CRISP2: variants seen among roughly 807,000 people sequenced by gnomAD.
CRISP2 encodes cysteine rich secretory protein 2.
CRISP2 carries 29 observed loss-of-function variants against 31.7 expected under a neutral mutation model. That is an observed-to-expected ratio of 0.92 (90% CI 0.68 to 1.25). CRISP2 has a LOEUF of 1.25. Among genes scored for constraint, CRISP2 ranks in the 50% most tolerant of loss-of-function variants. The probability of loss-of-function intolerance (pLI) is 0.00; values close to 1 mark genes in which losing one functional copy is unlikely to be tolerated. For synonymous variants in CRISP2, 111 were observed against 101.4 expected (o/e 1.09, Z -0.57); for missense variants, 318 against 286.5 (o/e 1.11, Z -0.79).
At chr6:49,700,171 C>G (rs1306628680) in intron 5 of CRISP2, among the ~76,000 whole-genome samples, 1 of 152,024 alleles carries the variant, frequency 6.6e-6, no homozygotes, top group African/African-American at 2.4e-5. Flanking sequence ...TGATGCTAGT[C>G]TAAATATTGA....
chr6:49,693,491 C>T (rs1002137621), intron 9 of CRISP2, among the ~76,000 whole-genome samples: 5 of 152,020 alleles, frequency 3.3e-5, no homozygotes, highest in Admixed American at 6.6e-5. Flanking sequence ...AAGGACAATA[C>T]GCCCTTTTCC....
At chr6:49,697,522 C>T (rs768527565) in intron 8 of CRISP2, among the ~76,000 whole-genome samples, 1 of 152,072 alleles carries the variant, frequency 6.6e-6, no homozygotes, top group Admixed American at 6.6e-5. Context: ...AGCATCTATA[C>T]TCCTAGAGTA....
At chr6:49,691,520 T>A (rs1764053152), downstream of CRISP2, among the ~76,000 whole-genome samples, 1 of 152,056 alleles carries the variant, frequency 6.6e-6, no homozygotes, top group South Asian at 2.1e-4. Flanking sequence ...CCTTTTACTA[T>A]ATTGCTGATA....
intron 4 of CRISP2, among the ~76,000 whole-genome samples, chr6:49,708,428 G>A (rs979861647): frequency 1.3e-5 from 2 of 152,208 alleles, no homozygotes; most frequent in Admixed American, 1.3e-4. Context: ...CTCAGGATGA[G>A]ATTAGCCTTG....
the CRISP2 span, among the ~76,000 whole-genome samples, chr6:49,685,650 A>G: frequency 6.6e-6 from 1 of 152,206 alleles, no homozygotes; most frequent in African/African-American, 2.4e-5. Context: ...TGTCTATGGT[A>G]AAAATAAACA....
At chr6:49,702,512 A>T (rs1766270975) in intron 4 of CRISP2, among the ~76,000 whole-genome samples, 1 of 151,902 alleles carries the variant, frequency 6.6e-6, no homozygotes, top group African/African-American at 2.4e-5. Context: ...TCAGGAATAA[A>T]GTGTTAGCCT....
chr6:49,697,527 A>G (rs138198051), intron 8 of CRISP2: 50 of 393,574 alleles, frequency 1.3e-4, no homozygotes, highest in Non-Finnish European at 2.2e-4. Context: ...CTATACTCCT[A>G]GAGTATGAAA....
intron 3 of CRISP2, 67 bp from the exon 4 acceptor site, chr6:49,709,272 A>C: frequency 7.7e-7 from 1 of 1,291,252 alleles, no homozygotes; most frequent in Non-Finnish European, 1.1e-6. Flanking sequence ...GAGGGGGAAT[A>C]CCAATATAAT....
Position 49,692,720 on chromosome 6 carries a change from T to A in CRISP2, c.*53A>T. 1 of 1,507,998 alleles carries A rather than the reference T, an allele frequency of 6.6e-7. No individual in the cohort carries two copies. The highest frequency in any genetic ancestry group is 9.0e-7 in the Non-Finnish European group (1 of 1,114,062). The allele number at this position is 1,507,998 out of a possible 1,614,324, so 93.4% of individuals were successfully genotyped here. A position where few individuals can be genotyped will look rare whatever the true frequency, so the allele number is the denominator to read the frequency against. On this transcript the variant is annotated 3_prime_UTR_variant, in exon 10 of 10. Coordinates refer to ENST00000339139, the MANE Select transcript of CRISP2 (RefSeq NM_003296.4). Reference sequence around the variant, plus strand: ...TACAATTTCCACTGGTATGTCGCAATTAAATGATGCAGCCCTTATCCATGC... The same window carrying A: ...TACAATTTCCACTGGTATGTCGCAAATAAATGATGCAGCCCTTATCCATGC...
chr6:49,693,282 C>T (rs1271068546), intron 9 of CRISP2, among the ~76,000 whole-genome samples: 1 of 152,102 alleles, frequency 6.6e-6, no homozygotes, highest in African/African-American at 2.4e-5. Context: ...GAGCCATTAG[C>T]CACACAGAGG....
intron 8 of CRISP2, among the ~76,000 whole-genome samples, chr6:49,696,385 T>C (rs1764753260): frequency 6.6e-6 from 1 of 152,060 alleles, no homozygotes; most frequent in South Asian, 2.1e-4. Flanking sequence ...AACTCCATAG[T>C]ATCTCTAACA....
intron 8 of CRISP2, 25 bp downstream of exon 8, chr6:49,697,835 A>G (rs769887521): frequency 2.5e-6 from 4 of 1,607,034 alleles, no homozygotes; most frequent in Non-Finnish European, 3.4e-6. Context: ...AATTATTGCC[A>G]TTAAACTCTA....
At chr6:49,701,733 T>TAC in intron 4 of CRISP2, among the ~76,000 whole-genome samples, 4 of 109,262 alleles carry the variant, frequency 3.7e-5, no homozygotes, top group African/African-American at 1.4e-4. Context: ...ATATAATGTA[T>TAC]ATATACACGG....
At chr6:49,701,502 A>G (rs762479185) in intron 4 of CRISP2, among the ~76,000 whole-genome samples, 528 of 22,384 alleles carry the variant, frequency 0.024, 7 homozygotes, top group Middle Eastern at 0.077. Context: ...GTGTGTGTGT[A>G]TATATATATA....
chr6:49,676,856 T>G, the CRISP2 span, among the ~76,000 whole-genome samples: 1 of 152,174 alleles, frequency 6.6e-6, no homozygotes, highest in Non-Finnish European at 1.5e-5. Flanking sequence ...CATGAGTCAG[T>G]TTCTTGCTAG....
chr6:49,709,504 C>T (rs753455381), intron 3 of CRISP2, among the ~76,000 whole-genome samples: 1 of 152,146 alleles, frequency 6.6e-6, no homozygotes, highest in Non-Finnish European at 1.5e-5. Context: ...ACCCTTACGC[C>T]ATCAAAAAGA....
the CRISP2 span, among the ~76,000 whole-genome samples, chr6:49,678,473 C>A: frequency 2.0e-5 from 3 of 152,120 alleles, no homozygotes; most frequent in Non-Finnish European, 2.9e-5. Context: ...CTTTCCCAGA[C>A]GAATCTGTAC....
intron 5 of CRISP2, 77 bp downstream of exon 5, chr6:49,700,591 T>C: frequency 1.2e-6 from 1 of 836,892 alleles, no homozygotes; most frequent in South Asian, 1.4e-5. Flanking sequence ...ACAAAGTTCT[T>C]AAGAGATGCC....
chr6:49,685,349 A>G, the CRISP2 span, among the ~76,000 whole-genome samples: 1 of 152,152 alleles, frequency 6.6e-6, no homozygotes, highest in Non-Finnish European at 1.5e-5. Flanking sequence ...GGAGATGTCT[A>G]TGTCCTTATT....
Sources: allele counts gnomAD v4.1 joint callset (sites outside exome capture counted in the v4.1 genomes callset), GRCh38; gene constraint gnomAD v4.1.1; transcripts MANE v1.5; gene names NCBI Gene and HGNC (gene_info 2026-07-23, HGNC 2026-07-21).